The following SOS1 variants were observed in gnomAD, a reference collection of about 807,000 sequenced individuals.
SOS1 encodes the protein son of sevenless homolog 1.
A neutral mutation model predicts 157.6 loss-of-function variants in SOS1; 25 were observed. That is an observed-to-expected ratio of 0.16 (90% CI 0.12 to 0.22). The LOEUF is 0.22. Ranked by LOEUF, SOS1 falls within the 10% of genes least tolerant of loss-of-function variation. The pLI is 1.00. For synonymous variants in SOS1, 528 were observed against 534.0 expected, an observed-to-expected ratio of 0.99 and a Z score of 0.16; for missense variants, 1,237 against 1,599.1, an observed-to-expected ratio of 0.77 and a Z score of 3.86.
At chr2:39,089,064 AATG>A (rs1211670476) in intron 1 of SOS1, among the ~76,000 whole-genome samples, 7 of 152,294 alleles carry the variant, frequency 4.6e-5, no homozygotes, top group Non-Finnish European at 8.8e-5. Flanking sequence ...CCATTTCGCT[AATG>A]ATGAGTGTGC....
At chr2:39,042,932 A>G (rs540241396) in intron 6 of SOS1, among the ~76,000 whole-genome samples, 1 of 152,094 alleles carries the variant, frequency 6.6e-6, no homozygotes, top group East Asian at 1.9e-4. Flanking sequence ...TATTATACAA[A>G]TTTTCTTGGG....
chr2:39,089,545 AAAG>A (rs1167041562), intron 1 of SOS1, among the ~76,000 whole-genome samples: 9 of 150,576 alleles, frequency 6.0e-5, no homozygotes, highest in South Asian at 4.2e-4. Context: ...AAAAAAAAAA[AAAG>A]AAAGAAAGAA....
intron 1 of SOS1, among the ~76,000 whole-genome samples, chr2:39,109,797 T>TA (rs1673344442): frequency 6.6e-6 from 1 of 152,204 alleles, no homozygotes; most frequent in Non-Finnish European, 1.5e-5. Context: ...CCTAGGATAC[T>TA]GGCACATAGC....
intron 10 of SOS1, among the ~76,000 whole-genome samples, chr2:39,020,076 CTATT>C (rs1421453030): frequency 6.6e-6 from 1 of 151,500 alleles, no homozygotes; most frequent in African/African-American, 2.4e-5. Flanking sequence ...AAAATATACT[CTATT>C]TAGAGTCAAG....
chr2:39,079,434 G>A (rs1001143762), intron 1 of SOS1, among the ~76,000 whole-genome samples: 5 of 151,174 alleles, frequency 3.3e-5, no homozygotes, highest in African/African-American at 1.2e-4. Flanking sequence ...CCAGGGGAAG[G>A]GAAAGAAGAT....
intron 1 of SOS1, among the ~76,000 whole-genome samples, chr2:39,085,341 T>G (rs1672335292): frequency 1.3e-5 from 2 of 152,202 alleles, no homozygotes; most frequent in African/African-American, 4.8e-5. Context: ...GGCCACCACA[T>G]GCAGTTATCC....
At chr2:39,059,371 T>A (rs1671324688) in intron 2 of SOS1, among the ~76,000 whole-genome samples, 1 of 152,220 alleles carries the variant, frequency 6.6e-6, no homozygotes, top group African/African-American at 2.4e-5. Flanking sequence ...ACAAAATACT[T>A]CAATTTAATT....
intron 1 of SOS1, among the ~76,000 whole-genome samples, chr2:39,092,653 C>T (rs538040942): frequency 6.6e-6 from 1 of 152,280 alleles, no homozygotes; most frequent in East Asian, 1.9e-4. Context: ...CACTGCTTGG[C>T]ATTTCTGTTG....
At position 38,996,415 on chromosome 2, in the gene SOS1, A is replaced by G. The variant is rs144324410; in HGVS notation, c.3081+507T>C. Among the ~76,000 whole-genome samples the G allele has an allele frequency of 5.1e-3, 771 of 152,302 alleles. 7 individuals carry two copies. The highest frequency in any genetic ancestry group is 0.018 in the African/African-American group (744 of 41,558). The stretch of plus-strand genomic sequence containing the variant: ...GACTTTTGACTTTTTTATGAACAAG[A>G]GAGTACATAGTCAAATCAGTGAGTT... On this transcript the variant is annotated intron_variant, in intron 19 of 22. Transcript: ENST00000402219.
intron 6 of SOS1, among the ~76,000 whole-genome samples, chr2:39,041,755 A>G (rs1393761815): frequency 6.6e-6 from 1 of 152,212 alleles, no homozygotes; most frequent in Non-Finnish European, 1.5e-5. Flanking sequence ...TTTCTTGAAC[A>G]GAAGTTTTAA....
At chr2:39,084,357 CACATAT>C (rs1672302389) in intron 1 of SOS1, among the ~76,000 whole-genome samples, 1 of 151,694 alleles carries the variant, frequency 6.6e-6, no homozygotes, top group Non-Finnish European at 1.5e-5. Context: ...TCAAAAAAAC[CACATAT>C]ACATATATAC....
intron 6 of SOS1, among the ~76,000 whole-genome samples, chr2:39,038,530 T>C (rs561299145): frequency 2.4e-4 from 36 of 151,418 alleles, no homozygotes; most frequent in African/African-American, 8.2e-4. Flanking sequence ...GATCAAGAGA[T>C]CGAGACCATC....
intron 21 of SOS1, 59 bp downstream of exon 21, chr2:38,989,211 C>A (rs1668645319): frequency 1.7e-6 from 2 of 1,198,784 alleles, no homozygotes; most frequent in Non-Finnish European, 2.5e-6. Flanking sequence ...AAAGGTTACA[C>A]TTGGTTTGAT....
intron 1 of SOS1, among the ~76,000 whole-genome samples, chr2:39,104,856 G>A (rs1327525072): frequency 6.6e-6 from 1 of 152,164 alleles, no homozygotes; most frequent in Non-Finnish European, 1.5e-5. Context: ...TAAATATCTA[G>A]AAGAGGTAAA....
intron 1 of SOS1, among the ~76,000 whole-genome samples, chr2:39,078,522 G>A (rs548903273): frequency 6.0e-5 from 5 of 83,026 alleles, no homozygotes; most frequent in African/African-American, 2.4e-4. Flanking sequence ...CCAGGCCACA[G>A]AGCAGGTGAG....
At chr2:39,102,230 A>AAAAAAAAAAAAT (rs1553370166) in intron 1 of SOS1, among the ~76,000 whole-genome samples, 2 of 142,860 alleles carry the variant, frequency 1.4e-5, no homozygotes, top group African/African-American at 2.7e-5. Flanking sequence ...AAAAAAAAAA[A>AAAAAAAAAAAAT]GTGCCACTTT....
intron 1 of SOS1, among the ~76,000 whole-genome samples, chr2:39,090,609 T>C (rs1481958486): frequency 1.3e-5 from 2 of 151,986 alleles, no homozygotes; most frequent in African/African-American, 4.8e-5. Context: ...GGCAGGAGAA[T>C]TGCTTGAACC....
At chr2:39,050,148 G>T (rs1461615537) in intron 6 of SOS1, among the ~76,000 whole-genome samples, 2 of 152,118 alleles carry the variant, frequency 1.3e-5, no homozygotes, top group Non-Finnish European at 2.9e-5. Context: ...TTGCCTGAAA[G>T]TCTTAATTAA....
chr2:39,013,878 A>G lies in SOS1; in HGVS notation c.2052T>C (p.Pro684=), dbSNP rs1669542217. 1 of 1,610,194 alleles carries G rather than the reference A, an allele frequency of 6.2e-7. No homozygotes were observed. Among genetic ancestry groups the G allele is most frequent in the African/African-American group, 1.3e-5 (1 of 74,922 alleles). Residue 684 remains proline (P), a synonymous_variant, in exon 12 of 23, where the codon CCT becomes CCC. Transcript: ENST00000402219. ...TATTTAATGCTTACCGCAGTTGCAC[A>G]GGCTGTATATATTCTTTTCTAAATC... ...LKRFRKEYIQ[P]VQLRVLNVCR... is the part of the protein sequence containing the mutation.
Sources: gnomAD v4.1 joint callset for allele counts (sites outside exome capture counted in the v4.1 genomes callset) on GRCh38, gnomAD v4.1.1 for gene constraint, MANE v1.5 for transcripts, NCBI Gene and HGNC (gene_info 2026-07-23, HGNC 2026-07-21) for gene names.